TPR: variants seen among roughly 807,000 people sequenced by gnomAD.
TPR encodes the protein translocated promoter region, nuclear basket protein.
TPR carries 51 observed loss-of-function variants against 316.1 expected under a neutral mutation model. The observed-to-expected ratio is 0.16, with a 90% confidence interval of 0.13 to 0.20. The LOEUF is 0.20. TPR is among the 10% of genes least tolerant of loss of function. The probability of loss-of-function intolerance (pLI) is 1.00; values close to 1 mark genes in which losing one functional copy is unlikely to be tolerated. For synonymous variants in TPR, 981 were observed against 914.7 expected, an observed-to-expected ratio of 1.07 and a Z score of -1.31; for missense variants, 2,272 against 2,754.8, an observed-to-expected ratio of 0.82 and a Z score of 3.92.
intron 20 of TPR, among the ~76,000 whole-genome samples, chr1:186,350,893 G>A (rs1193341630): frequency 6.6e-6 from 1 of 152,078 alleles, no homozygotes; most frequent in East Asian, 1.9e-4. Context: ...AAGAATACCT[G>A]TTACTCAAAG....
rs1461940806 is a variant in TPR at position 186,311,757 on chromosome 1, C to G, written c.*2214G>C. ...TTGAGGGTAGTATTCTTATTGCCCT[C>G]AATTTTTATTTTCATTTCTTCACAG... On this transcript the variant is annotated 3_prime_UTR_variant, in exon 51 of 51. Coordinates refer to ENST00000367478, the MANE Select transcript of TPR (RefSeq NM_003292.3). 5 of 744,696 alleles carry G rather than the reference C, an allele frequency of 6.7e-6. No homozygotes were observed. The highest frequency in any genetic ancestry group is 1.1e-5 in the Non-Finnish European group (5 of 467,134). The allele number at this position is 744,696 out of a possible 1,614,324, so 46.1% of individuals were successfully genotyped here.
intron 27 of TPR, chr1:186,342,618 C>T (rs3766706): frequency 0.63 from 96,045 of 152,070 alleles, 30,424 homozygotes; most frequent in Non-Finnish European, 0.65. Context: ...TTTTCCCTGT[C>T]CAATGGTTTC....
rs1657677108 is a variant in TPR at position 186,318,498 on chromosome 1, G to C, written c.6770C>G (p.Thr2257Arg). 6.2e-7 allele frequency: 1 copy of C among 1,613,912 alleles called. No individual in the cohort carries two copies. The highest frequency in any genetic ancestry group is 2.2e-5 in the East Asian group (1 of 44,872). ...TTCATCTCCATCATCACCTGTTGCT[G>C]TTTCATTTGTTGTAGATAAAGTGCC... ...STGTLSTTNE[T>R]ATGDDGDEVF... The change falls in exon 48 of 51, where the codon ACA (threonine) becomes AGA (arginine). Residue 2257 changes from threonine to arginine, a missense_variant. Thr to Arg is a moderately conservative substitution (Grantham distance 71). This residue lies in a region of TPR where 123 missense variants were observed against 142.3 expected (regional missense o/e 0.86). Coordinates refer to ENST00000367478, the MANE Select transcript of TPR (RefSeq NM_003292.3).
At chr1:186,362,228 T>C in intron 7 of TPR, 60 bp downstream of exon 7, 1 of 1,389,282 alleles carries the variant, frequency 7.2e-7, no homozygotes, top group East Asian at 2.3e-5. Flanking sequence ...TTTTGTGAAA[T>C]AACAGCTTCG....
intron 20 of TPR, 72 bp downstream of exon 20, chr1:186,351,258 A>C: frequency 7.0e-7 from 1 of 1,433,342 alleles, no homozygotes; most frequent in Non-Finnish European, 9.2e-7. Flanking sequence ...CTTGGATGGC[A>C]GACTGTCCAC....
chr1:186,323,936 T>C, intron 42 of TPR, 66 bp from the exon 43 acceptor site: 25 of 1,445,978 alleles, frequency 1.7e-5, no homozygotes, highest in Non-Finnish European at 2.3e-5. Context: ...GGACAATCCC[T>C]AGAAGTATAA....
chr1:186,373,854 T>C (rs940482047), intron 1 of TPR, among the ~76,000 whole-genome samples: 2 of 152,184 alleles, frequency 1.3e-5, no homozygotes, highest in Non-Finnish European at 2.9e-5. Flanking sequence ...ACTTCTTTTA[T>C]AGTAGTCAAG....
At position 186,313,658 on chromosome 1, in the gene TPR, A is replaced by C; in HGVS notation, c.*313T>G. On this transcript the variant is annotated 3_prime_UTR_variant, in exon 51 of 51. Transcript: ENST00000367478. ...GGGCATTGTTTTCTTTTTAACTAAA[A>C]AAATGTTTTCTCTTCCATTTAGATC... 6.9e-7 allele frequency: 1 copy of C among 1,451,690 alleles called. No individual in the cohort carries two copies. Among genetic ancestry groups the C allele is most frequent in the Non-Finnish European group, 9.7e-7 (1 of 1,032,764 alleles). The allele number at this position is 1,451,690 out of a possible 1,614,324, so 89.9% of individuals were successfully genotyped here.
intron 19 of TPR, 27 bp downstream of exon 19, chr1:186,351,949 T>C (rs763939385): frequency 6.4e-7 from 1 of 1,561,692 alleles, no homozygotes; most frequent in South Asian, 1.3e-5. Flanking sequence ...TATACATTTT[T>C]TCTACATAGG....
intron 31 of TPR, 96 bp from the exon 32 acceptor site, chr1:186,337,252 G>C (rs1173274193): frequency 1.4e-6 from 2 of 1,407,350 alleles, no homozygotes; most frequent in East Asian, 2.5e-5. Flanking sequence ...GCTTTGCAAA[G>C]AAATTTTATC....
chr1:186,372,437 G>C (rs1477824633), intron 2 of TPR, among the ~76,000 whole-genome samples: 2 of 152,026 alleles, frequency 1.3e-5, no homozygotes, highest in Non-Finnish European at 2.9e-5. Context: ...AGCTACTCAG[G>C]AGGCTGAGGC....
intron 27 of TPR, 108 bp downstream of exon 27, chr1:186,343,218 A>C: frequency 7.2e-7 from 1 of 1,386,984 alleles, no homozygotes; most frequent in Non-Finnish European, 9.7e-7. Flanking sequence ...CAAGTTTAGA[A>C]GAATGCTTAC....
intron 30 of TPR, 125 bp from the exon 31 acceptor site, chr1:186,338,368 C>CT: frequency 1.4e-6 from 1 of 739,420 alleles, no homozygotes; most frequent in South Asian, 2.0e-5. Flanking sequence ...TAAAAAATAC[C>CT]CATATACTTC....
chr1:186,349,199 A>G (rs1422464484), intron 21 of TPR, among the ~76,000 whole-genome samples: 1 of 152,206 alleles, frequency 6.6e-6, no homozygotes, highest in African/African-American at 2.4e-5. Flanking sequence ...CACAAAGCCT[A>G]TTTTATAATG....
In TPR at chr1:186,332,203, C is replaced by G. The variant is rs750730525; in HGVS notation, c.5596G>C (p.Gly1866Arg). The G allele has an allele frequency of 4.3e-6, 7 of 1,609,732 alleles. No homozygotes were observed. The highest frequency in any genetic ancestry group is 5.9e-6 in the Non-Finnish European group (7 of 1,178,406). ...GAAAGAACTTTACGCACCTCAGTTCCTACAGGTGTGACACTTTTCAACTTC... is the reference window on the plus strand; with the variant it reads ...GAAAGAACTTTACGCACCTCAGTTCGTACAGGTGTGACACTTTTCAACTTC... ...PKKLKSVTPVGTEEEVMAEES... is the reference protein window; with the variant it reads ...PKKLKSVTPVRTEEEVMAEES... The change falls in exon 38 of 51, where the codon GGA (glycine) becomes CGA (arginine). Residue 1866 changes from glycine (G) to arginine (R), a missense_variant. By Grantham distance (125) the Gly-to-Arg change is moderately radical. Transcript: ENST00000367478.
At chr1:186,322,270 C>G in intron 45 of TPR, 48 bp downstream of exon 45, 1 of 1,525,076 alleles carries the variant, frequency 6.6e-7, no homozygotes, top group South Asian at 1.2e-5. Context: ...CAGAGAAAGA[C>G]TAAAAGTTTG....
intron 48 of TPR, 29 bp from the exon 49 acceptor site, chr1:186,317,629 A>T: frequency 1.3e-6 from 2 of 1,580,012 alleles, no homozygotes; most frequent in Non-Finnish European, 1.7e-6. Flanking sequence ...AGAAAATACA[A>T]AACTGATCCT....
intron 14 of TPR, among the ~76,000 whole-genome samples, chr1:186,356,759 T>C (rs1571630222): frequency 2.0e-5 from 3 of 152,282 alleles, no homozygotes; most frequent in Admixed American, 2.0e-4. Context: ...ATTATACATG[T>C]ATTTTGAAAA....
chr1:186,345,551 C>T (rs1390501179), intron 24 of TPR, 29 bp downstream of exon 24: 2 of 1,503,780 alleles, frequency 1.3e-6, no homozygotes, highest in South Asian at 2.3e-5. Context: ...AGGATCGAAG[C>T]TCATTTCTCA....
Sources: gnomAD v4.1 joint callset for allele counts (sites outside exome capture counted in the v4.1 genomes callset) on GRCh38, gnomAD v4.1.1 for gene constraint, gnomAD v4.1.1 regional missense constraint, MANE v1.5 for transcripts, NCBI Gene and HGNC (gene_info 2026-07-23, HGNC 2026-07-21) for gene names.